The following WDFY4 variants were observed in gnomAD, a reference collection of about 807,000 sequenced individuals.
The protein encoded by WDFY4 is WD repeat- and FYVE domain-containing protein 4.
WDFY4 carries 169 observed loss-of-function variants against 351.9 expected under a neutral mutation model. The observed-to-expected ratio is 0.48, with a 90% CI of 0.42 to 0.55. WDFY4 has a LOEUF of 0.55. Ranked by LOEUF, WDFY4 falls within the 20% of genes least tolerant of loss-of-function variation. WDFY4 has a pLI of 0.00. For missense variants in WDFY4, 3,803 were observed against 3,935.6 expected, an observed-to-expected ratio of 0.97 and a Z score of 0.90; for synonymous variants, 1,622 against 1,574.6, an observed-to-expected ratio of 1.03 and a Z score of -0.71.
In WDFY4 at chr10:48,920,389, A is replaced by T. The variant is rs1169085160; in HGVS notation, c.7586+18526A>T. Among the ~76,000 whole-genome samples, 3 of 152,218 alleles carry T rather than the reference A, an allele frequency of 2.0e-5. No homozygotes were observed. In the South Asian group the frequency reaches 6.2e-4, roughly 32 times the overall value. Reference sequence around the variant, plus strand: ...TGTGGGGTGGGGGGAAGGGGGAGGGATAGCATTAGGAGATATACCTAATGT... The same window carrying T: ...TGTGGGGTGGGGGGAAGGGGGAGGGTTAGCATTAGGAGATATACCTAATGT... On this transcript the variant is annotated intron_variant, in intron 47 of 61. Transcript: ENST00000325239.
chr10:48,761,413 G>C (rs780367846), intron 13 of WDFY4, among the ~76,000 whole-genome samples: 35 of 152,208 alleles, frequency 2.3e-4, no homozygotes, highest in Non-Finnish European at 4.8e-4. Context: ...CAAGGGGCAA[G>C]AGTTAGGAGT....
chr10:48,730,158 G>A (rs532565173), intron 8 of WDFY4, among the ~76,000 whole-genome samples: 5 of 152,376 alleles, frequency 3.3e-5, no homozygotes, highest in Admixed American at 3.3e-4. Flanking sequence ...GGGCCTGCCG[G>A]AGGGAGTTTT....
chr10:48,962,501 T>C (rs1459853021), intron 53 of WDFY4, among the ~76,000 whole-genome samples: 2 of 152,174 alleles, frequency 1.3e-5, no homozygotes, highest in Non-Finnish European at 2.9e-5. Context: ...TCAGATAGAC[T>C]GTGATATCGA....
chr10:48,790,668 A>G lies in WDFY4; in HGVS notation c.4067-59A>G, dbSNP rs553926858. The G allele has an allele frequency of 2.3e-5, 35 of 1,520,780 alleles. No homozygotes were observed. The South Asian group carries it at 3.9e-4, about 17-fold the overall frequency. The allele number at this position is 1,520,780 out of a possible 1,614,324, so 94.2% of individuals were successfully genotyped here. A position where few individuals can be genotyped will look rare whatever the true frequency, so the allele number is the denominator to read the frequency against. ...ATTGGTCCTCCTGTGCTGTCGGGGA[A>G]TTTCCCATTGCAATGAAGCTGTGAC... On this transcript the variant is annotated intron_variant, in intron 22 of 61. Transcript: ENST00000325239.
chr10:48,690,006 A>G (rs759113248), intron 1 of WDFY4, among the ~76,000 whole-genome samples: 10 of 152,254 alleles, frequency 6.6e-5, no homozygotes, highest in South Asian at 4.1e-4. Context: ...GCATTAGACC[A>G]CACTACCACT....
At chr10:48,909,309 C>T (rs943429337) in intron 47 of WDFY4, among the ~76,000 whole-genome samples, 2 of 151,878 alleles carry the variant, frequency 1.3e-5, no homozygotes, top group African/African-American at 4.8e-5. Context: ...TTGTTTATTT[C>T]TCTGGTTTCT....
At chr10:48,959,700 T>C in intron 52 of WDFY4, 22 bp from the exon 53 acceptor site, 3 of 1,550,474 alleles carry the variant, frequency 1.9e-6, no homozygotes. Flanking sequence ...CCCAAATCTC[T>C]GCTGCTTCTC....
At chr10:48,767,755 G>A (rs975319790) in intron 13 of WDFY4, among the ~76,000 whole-genome samples, 1 of 152,238 alleles carries the variant, frequency 6.6e-6, no homozygotes, top group Non-Finnish European at 1.5e-5. Context: ...ACAGAAGAGT[G>A]TTAAGTCCTA....
chr10:48,860,457 G>T (rs1407629695), intron 39 of WDFY4, among the ~76,000 whole-genome samples: 4 of 152,156 alleles, frequency 2.6e-5, no homozygotes, highest in Non-Finnish European at 5.9e-5. Context: ...GAGAGAGAAA[G>T]CTCTGGTGTC....
intron 47 of WDFY4, among the ~76,000 whole-genome samples, chr10:48,923,056 TA>T (rs1839235891): frequency 6.6e-6 from 1 of 152,186 alleles, no homozygotes; most frequent in African/African-American, 2.4e-5. Context: ...AAATCGTTTT[TA>T]AAAAAACTTT....
chr10:48,860,669 AT>A (rs1352071960), intron 39 of WDFY4, among the ~76,000 whole-genome samples: 1 of 152,192 alleles, frequency 6.6e-6, no homozygotes, highest in Non-Finnish European at 1.5e-5. Flanking sequence ...TTTGCCACGT[AT>A]TGTCCTCTCA....
rs1237915865 is a variant in WDFY4 at position 48,817,375 on chromosome 10, T to C, written c.5471T>C (p.Leu1824Ser). The stretch of plus-strand genomic sequence containing the variant: ...CGAGCCCCGGAGTTCCTCCAGACCT[T>C]GGCCATAGCCGCCTTCCCCCTGGGA... ...AWRAPEFLQT[L>S]AIAAFPLGAQ... The change falls in exon 32 of 62, where the codon TTG (leucine) becomes TCG (serine). Residue 1824 changes from leucine (L) to serine (S), a missense_variant. By Grantham distance (145) the Leu-to-Ser change is moderately radical. Around this residue, in one of 3 missense-constraint regions of WDFY4, gnomAD observed 3,054 missense variants for 3,148.6 expected, o/e 0.97. Transcript: ENST00000325239. The C allele has an allele frequency of 6.4e-7, 1 of 1,551,452 alleles. No individual in the cohort carries two copies. Among genetic ancestry groups the C allele is most frequent in the Non-Finnish European group, 8.7e-7 (1 of 1,146,798 alleles).
intron 13 of WDFY4, among the ~76,000 whole-genome samples, chr10:48,766,456 G>A (rs891541763): frequency 6.6e-6 from 1 of 152,146 alleles, no homozygotes; most frequent in African/African-American, 2.4e-5. Context: ...CAGGCATGGT[G>A]GTGTGCACCT....
At position 48,970,127 on chromosome 10, in the gene WDFY4, A is replaced by T. The variant is rs921867816; in HGVS notation, c.8770-4A>T. 3.2e-6 allele frequency: 5 copies of T among 1,550,938 alleles called. No homozygotes were observed. The highest frequency in any genetic ancestry group is 3.5e-6 in the Non-Finnish European group (4 of 1,146,880). Reference sequence around the variant, plus strand: ...GCAGCGCTCATCCCCCTTATCTCCTACAGGTCCTGATGACATTCGAGAACC... The same window carrying T: ...GCAGCGCTCATCCCCCTTATCTCCTTCAGGTCCTGATGACATTCGAGAACC... On this transcript the variant is annotated splice_region_variant and splice_polypyrimidine_tract_variant and intron_variant, in intron 56 of 61. Coordinates refer to ENST00000325239, the MANE Select transcript of WDFY4 (RefSeq NM_001394531.1).
intron 35 of WDFY4, 85 bp from the exon 36 acceptor site, chr10:48,826,586 C>T (rs920846458): frequency 1.3e-5 from 14 of 1,058,172 alleles, no homozygotes; most frequent in Non-Finnish European, 1.9e-5. Flanking sequence ...TTTGATTATA[C>T]TATTTTTGTG....
At position 48,779,976 on chromosome 10, in the gene WDFY4, G is replaced by T; in HGVS notation, c.3433G>T (p.Ala1145Ser). 1 of 1,551,822 alleles carries T rather than the reference G, an allele frequency of 6.4e-7. No homozygotes were observed. Among genetic ancestry groups the T allele is most frequent in the Non-Finnish European group, 8.7e-7 (1 of 1,147,016 alleles). ...ACCTGAGGATGACTCCGAGCCTTCT[G>T]CAGGATGCCAGCTTCAGGTCAGGTG... ...MEPEDDSEPS[A>S]GCQLQVRCGQ... The change falls in exon 19 of 62, where the codon GCA becomes TCA. Residue 1145 changes from alanine (A) to serine (S), a missense_variant. Around this residue, in one of 3 missense-constraint regions of WDFY4, gnomAD observed 3,054 missense variants for 3,148.6 expected, o/e 0.97. Coordinates refer to ENST00000325239, the MANE Select transcript of WDFY4 (RefSeq NM_001394531.1).
In WDFY4 at chr10:48,830,689, C is replaced by G. The variant is rs937434289; in HGVS notation, c.6341-11C>G. On this transcript the variant is annotated splice_polypyrimidine_tract_variant and intron_variant, in intron 37 of 61. Coordinates refer to ENST00000325239, the MANE Select transcript of WDFY4 (RefSeq NM_001394531.1). ...GGCCATCCTGAGTGTGCCATGTGCTCTCTCTGCTAGTCCAACACAACATCC... is the reference window on the plus strand; with the variant it reads ...GGCCATCCTGAGTGTGCCATGTGCTGTCTCTGCTAGTCCAACACAACATCC... The G allele has an allele frequency of 3.2e-6, 5 of 1,549,728 alleles. No individual in the cohort carries two copies. The highest frequency in any genetic ancestry group is 4.4e-6 in the Non-Finnish European group (5 of 1,146,092).
intron 51 of WDFY4, among the ~76,000 whole-genome samples, chr10:48,950,522 G>A (rs1472458787): frequency 2.0e-5 from 3 of 152,212 alleles, no homozygotes. Context: ...AAGCTTGTGA[G>A]AGGCTGCTGT....
At chr10:48,944,468 G>C (rs1474012179) in intron 49 of WDFY4, among the ~76,000 whole-genome samples, 1 of 152,218 alleles carries the variant, frequency 6.6e-6, no homozygotes, top group East Asian at 1.9e-4. Flanking sequence ...GGCCACCCGG[G>C]CTCTGGCCAT....
Sources: allele counts gnomAD v4.1 joint callset (sites outside exome capture counted in the v4.1 genomes callset), GRCh38; gene constraint gnomAD v4.1.1; regional missense constraint gnomAD v4.1.1; transcripts MANE v1.5; gene names NCBI Gene and HGNC (gene_info 2026-07-23, HGNC 2026-07-21).